The following CACNA1I variants were observed in gnomAD, a reference collection of about 807,000 sequenced individuals.
CACNA1I encodes voltage-dependent T-type calcium channel subunit alpha-1I.
CACNA1I carries 74 observed loss-of-function variants against 201.6 expected under a neutral mutation model. That is an observed-to-expected ratio of 0.37 (90% CI 0.30 to 0.45). The LOEUF (loss-of-function observed/expected upper bound fraction) is 0.45, where lower values mean the gene tolerates loss of function less well. Among genes scored for constraint, CACNA1I ranks in the 20% least tolerant of loss-of-function variants. The pLI is 1.00. For missense variants in CACNA1I, 2,346 were observed against 3,138.1 expected, an observed-to-expected ratio of 0.75 and a Z score of 6.03; for synonymous variants, 1,431 against 1,345.2, an observed-to-expected ratio of 1.06 and a Z score of -1.40.
chr22:39,611,561 C>T (rs1933388462), intron 3 of CACNA1I, among the ~76,000 whole-genome samples: 1 of 152,194 alleles, frequency 6.6e-6, no homozygotes, highest in South Asian at 2.1e-4. Flanking sequence ...TCCCAGCAGC[C>T]ATTCTCACCT....
intron 1 of CACNA1I, among the ~76,000 whole-genome samples, chr22:39,577,607 C>T (rs139693294): frequency 2.0e-4 from 31 of 152,370 alleles, no homozygotes; most frequent in South Asian, 8.3e-4. Context: ...CTGGACTGCG[C>T]GGAGCACAGC....
chr22:39,683,349 A>C (rs1174334147), intron 35 of CACNA1I, among the ~76,000 whole-genome samples: 1 of 152,156 alleles, frequency 6.6e-6, no homozygotes, highest in Non-Finnish European at 1.5e-5. Flanking sequence ...GCCCACCCCA[A>C]GTACCCTTCA....
In CACNA1I at chr22:39,684,490, C is replaced by T; in HGVS notation, c.6019C>T (p.Leu2007Phe). Residue 2007 changes from leucine (L) to phenylalanine (F), a missense_variant, in exon 36 of 37, where the codon CTC becomes TTC. Physicochemically the swap from Leu to Phe is conservative, Grantham distance 22. Transcript: ENST00000402142. The surrounding 1 kb of genome is among the most constrained non-coding windows in gnomAD (Gnocchi z 4.6). ...GTCACCAAGGGTCAACTGTACCCTC[C>T]TCCGGCAGGTACCGACACCTCCCAG... ...LRSPRVNCTL[L>F]RQATGSDTSL... 1 of 1,612,750 alleles carries T rather than the reference C, an allele frequency of 6.2e-7. No homozygotes were observed. Among genetic ancestry groups the T allele is most frequent in the Non-Finnish European group, 8.5e-7 (1 of 1,179,658 alleles).
intron 4 of CACNA1I, 35 bp from the exon 5 acceptor site, chr22:39,634,530 C>G: frequency 6.2e-7 from 1 of 1,612,002 alleles, no homozygotes; most frequent in Non-Finnish European, 8.5e-7. Context: ...CCTCTGCTCC[C>G]TGTCTGACCA....
At chr22:39,653,999 G>C (rs1164452981) in intron 10 of CACNA1I, among the ~76,000 whole-genome samples, 2 of 152,202 alleles carry the variant, frequency 1.3e-5, no homozygotes, top group Non-Finnish European at 2.9e-5. Context: ...GTCAGCTGGG[G>C]TGGCCAGGCT....
rs981749826 is a variant in CACNA1I at position 39,588,505 on chromosome 22, C to T, written c.237-9646C>T. Among the ~76,000 whole-genome samples, 6 of 151,862 alleles carry T rather than the reference C, an allele frequency of 4.0e-5. No homozygotes were observed. In the South Asian group the frequency reaches 1.0e-3, roughly 26 times the overall value. On this transcript the variant is annotated intron_variant, in intron 1 of 36. Transcript: ENST00000402142. ...AGTTCACGCCATTCTCCTGCCTCAGCCTCCCGAGTAGCTGGGACTACAGGC... is the reference window on the plus strand; with the variant it reads ...AGTTCACGCCATTCTCCTGCCTCAGTCTCCCGAGTAGCTGGGACTACAGGC...
At chr22:39,579,778 C>T (rs918532185) in intron 1 of CACNA1I, among the ~76,000 whole-genome samples, 2 of 151,952 alleles carry the variant, frequency 1.3e-5, no homozygotes, top group Non-Finnish European at 2.9e-5. Flanking sequence ...TCCTGAGTAG[C>T]TGGGATTACA....
At chr22:39,598,802 T>C (rs1026587350) in intron 2 of CACNA1I, among the ~76,000 whole-genome samples, 1 of 152,092 alleles carries the variant, frequency 6.6e-6, no homozygotes, top group African/African-American at 2.4e-5. Context: ...CTTTGGTACC[T>C]GACATAACCC....
At position 39,686,345 on chromosome 22, in the gene CACNA1I, G is replaced by A; in HGVS notation, c.6612G>A (p.Pro2204=). The change falls in exon 37 of 37, where the codon CCG becomes CCA. Residue 2204 remains proline, a synonymous_variant. Coordinates refer to ENST00000402142, the MANE Select transcript of CACNA1I (RefSeq NM_021096.4). ...LPMGLGPLAP[P]PQPLPGELEP... Reference sequence around the variant, plus strand: ...TGGGCCTGGGCCCCTTGGCGCCCCCGCCGCAACCGCTCCCCGGAGAGCTGG... The same window carrying A: ...TGGGCCTGGGCCCCTTGGCGCCCCCACCGCAACCGCTCCCCGGAGAGCTGG... 7.6e-7 allele frequency: 1 copy of A among 1,311,766 alleles called. No individual in the cohort carries two copies. Among genetic ancestry groups the A allele is most frequent in the Non-Finnish European group, 9.7e-7 (1 of 1,028,418 alleles). 81.3% of individuals were successfully genotyped at this position (1,311,766 alleles called of 1,614,324 possible). A position where few individuals can be genotyped will look rare whatever the true frequency, so the allele number is the denominator to read the frequency against.
rs144613099 is a variant in CACNA1I, at chr22:39,679,621, G to T, written c.5395-101G>T. The T allele has an allele frequency of 5.7e-6, 7 of 1,220,374 alleles. No individual in the cohort carries two copies. The South Asian group carries it at 8.8e-5, about 15-fold the overall frequency. The allele number at this position is 1,220,374 out of a possible 1,614,324, so 75.6% of individuals were successfully genotyped here. A position where few individuals can be genotyped will look rare whatever the true frequency, so the allele number is the denominator to read the frequency against. ...AGGGGGTCGGTCCCAGGCCATGGGCGCAGAGAACCAACCGGGAGGGCAGCT... is the reference window on the plus strand; with the variant it reads ...AGGGGGTCGGTCCCAGGCCATGGGCTCAGAGAACCAACCGGGAGGGCAGCT... On this transcript the variant is annotated intron_variant, in intron 32 of 36. Coordinates refer to ENST00000402142, the MANE Select transcript of CACNA1I (RefSeq NM_021096.4).
At chr22:39,615,792 CAAATGG>C (rs1933516248) in intron 3 of CACNA1I, among the ~76,000 whole-genome samples, 1 of 152,180 alleles carries the variant, frequency 6.6e-6, no homozygotes, top group South Asian at 2.1e-4. Context: ...AGAATACCCG[CAAATGG>C]TTCATGAAGT....
chr22:39,607,898 G>GGGT (rs1555903858), intron 3 of CACNA1I, among the ~76,000 whole-genome samples: 5 of 151,234 alleles, frequency 3.3e-5, no homozygotes, highest in African/African-American at 1.2e-4. Context: ...GCCAAGGCGG[G>GGGT]GGGGGGTCAC....
chr22:39,654,647 G>A (rs1291310653), intron 10 of CACNA1I, among the ~76,000 whole-genome samples: 2 of 152,194 alleles, frequency 1.3e-5, no homozygotes. Context: ...TGACATTCCA[G>A]CTCTATAGGG....
intron 3 of CACNA1I, among the ~76,000 whole-genome samples, chr22:39,617,496 GCTGGCTGGAGCTGGGC>G (rs1222000869): frequency 6.6e-6 from 1 of 152,084 alleles, no homozygotes; most frequent in Non-Finnish European, 1.5e-5. Context: ...GGTGGGGAGG[GCTGGCTGGAGCTGGGC>G]CTGGCTGCCT....
intron 4 of CACNA1I, among the ~76,000 whole-genome samples, chr22:39,625,627 A>G (rs1040708534): frequency 6.6e-6 from 1 of 152,020 alleles, no homozygotes; most frequent in African/African-American, 2.4e-5. Flanking sequence ...TCTCCACCCC[A>G]CCCCTGCAGG....
chr22:39,582,363 G>A (rs1932582659), intron 1 of CACNA1I, among the ~76,000 whole-genome samples: 1 of 152,100 alleles, frequency 6.6e-6, no homozygotes, highest in Non-Finnish European at 1.5e-5. Context: ...GATGGTTTTG[G>A]TTGCTCCAAC....
Position 39,662,131 on chromosome 22 carries a change from A to C in CACNA1I, c.3068A>C (p.Asp1023Ala), listed in dbSNP as rs1389657273. ...GGARVCEVAA[D>A]EGPPRAAPLH... ...GCCCGGGTCTGCGAGGTTGCCGCGG[A>C]CGAGGGGCCGCCGCGGGCCGCACCC... The change falls in exon 17 of 37, where the codon GAC (aspartate) becomes GCC (alanine). Residue 1023 changes from aspartate (D) to alanine (A), a missense_variant. By Grantham distance (126) the Asp-to-Ala change is moderately radical. Transcript: ENST00000402142. The C allele has an allele frequency of 2.6e-6, 4 of 1,526,116 alleles. No individual in the cohort carries two copies. In the South Asian group the frequency reaches 4.9e-5, roughly 19 times the overall value. 94.5% of individuals were successfully genotyped at this position (1,526,116 alleles called of 1,614,324 possible).
Position 39,684,701 on chromosome 22 carries a change from T to G in CACNA1I, c.6027+203T>G, listed in dbSNP as rs911816896. On this transcript the variant is annotated intron_variant, in intron 36 of 36. Transcript: ENST00000402142. The surrounding 1 kb of genome is among the most constrained non-coding windows in gnomAD (Gnocchi z 4.6). ...CTGGGGCGGATGGAGTGGGCGGGGC[T>G]GGGTCCTGGGGACAGCAGAGTGTGG... 2.0e-5 allele frequency: 12 copies of G among 600,108 alleles called. No homozygotes were observed. Among genetic ancestry groups the G allele is most frequent in the East Asian group, 2.9e-5 (1 of 34,696 alleles). The allele number at this position is 600,108 out of a possible 1,614,324, so 37.2% of individuals were successfully genotyped here.
intron 10 of CACNA1I, among the ~76,000 whole-genome samples, chr22:39,651,476 C>G (rs535583886): frequency 5.9e-5 from 9 of 152,294 alleles, no homozygotes; most frequent in East Asian, 1.9e-4. Context: ...CGAGAGGGCT[C>G]TCTGCAGGGG....
Sources: allele counts gnomAD v4.1 joint callset (sites outside exome capture counted in the v4.1 genomes callset), GRCh38; gene constraint gnomAD v4.1.1; non-coding constraint Gnocchi (gnomAD v3.1); transcripts MANE v1.5; gene names NCBI Gene and HGNC (gene_info 2026-07-23, HGNC 2026-07-21).